RBFOX1: variants seen among roughly 807,000 people sequenced by gnomAD.
RBFOX1 encodes RNA binding fox-1 homolog 1.
In RBFOX1, 8 loss-of-function variants were observed where a neutral mutation model predicts 57.7. The ratio of observed to expected loss-of-function variants is 0.14; its 90% CI spans 0.08 to 0.25. RBFOX1 has a LOEUF of 0.25. Among genes scored for constraint, RBFOX1 ranks in the 10% least tolerant of loss-of-function variants. The probability of loss-of-function intolerance (pLI) is 1.00; values close to 1 mark genes in which losing one functional copy is unlikely to be tolerated. For synonymous variants in RBFOX1, 326 were observed against 222.4 expected, an observed-to-expected ratio of 1.47 and a Z score of -4.15; for missense variants, 611 against 548.5, an observed-to-expected ratio of 1.11 and a Z score of -1.14.
intron 3 of RBFOX1, among the ~76,000 whole-genome samples, chr16:5,708,041 A>T (rs2151497544): frequency 6.6e-6 from 1 of 152,264 alleles, no homozygotes; most frequent in African/African-American, 2.4e-5. Context: ...TTGTTGAAAG[A>T]GAGAATAAAA....
chr16:7,140,807 A>T (rs2073554893), intron 4 of RBFOX1, among the ~76,000 whole-genome samples: 1 of 151,990 alleles, frequency 6.6e-6, no homozygotes, highest in Non-Finnish European at 1.5e-5. Context: ...TGGTATGCTC[A>T]TAATGGATTT....
At chr16:5,936,185 G>C (rs570441019) in intron 4 of RBFOX1, among the ~76,000 whole-genome samples, 1 of 152,228 alleles carries the variant, frequency 6.6e-6, no homozygotes, top group Admixed American at 6.5e-5. Context: ...GTGCCGTGGC[G>C]TGATCTTGGC....
intron 3 of RBFOX1, among the ~76,000 whole-genome samples, chr16:5,677,490 C>G (rs1336004571): frequency 6.6e-6 from 1 of 152,198 alleles, no homozygotes; most frequent in Non-Finnish European, 1.5e-5. Flanking sequence ...GAAGGATAGA[C>G]TGCCTACGAC....
intron 2 of RBFOX1, among the ~76,000 whole-genome samples, chr16:5,535,009 A>G (rs549797081): frequency 6.6e-6 from 1 of 152,372 alleles, no homozygotes; most frequent in South Asian, 2.1e-4. Flanking sequence ...CTGGGAAATC[A>G]CAATGAATAA....
At chr16:5,940,863 A>G (rs2059264632) in intron 4 of RBFOX1, among the ~76,000 whole-genome samples, 1 of 152,168 alleles carries the variant, frequency 6.6e-6, no homozygotes, top group Non-Finnish European at 1.5e-5. Flanking sequence ...TGGGGGTTCC[A>G]ACCCTGCGTT....
At chr16:6,645,628 A>G (rs1428405757) in intron 2 of RBFOX1, among the ~76,000 whole-genome samples, 1 of 152,188 alleles carries the variant, frequency 6.6e-6, no homozygotes, top group Non-Finnish European at 1.5e-5. Flanking sequence ...TTGATGTCTA[A>G]AATCTCAAAG....
intron 2 of RBFOX1, among the ~76,000 whole-genome samples, chr16:5,525,715 C>G (rs1262165521): frequency 6.6e-6 from 1 of 151,922 alleles, no homozygotes; most frequent in African/African-American, 2.4e-5. Context: ...CCAGGCTGAT[C>G]TTGAACTCCT....
chr16:5,857,430 T>A (rs1283594840), intron 3 of RBFOX1, among the ~76,000 whole-genome samples: 1 of 152,106 alleles, frequency 6.6e-6, no homozygotes, highest in Non-Finnish European at 1.5e-5. Context: ...ATGGCACTGA[T>A]AGACTTGCTT....
intron 1 of RBFOX1, among the ~76,000 whole-genome samples, chr16:6,235,549 CGTGT>C (rs1198950651): frequency 4.9e-4 from 50 of 103,048 alleles, no homozygotes; most frequent in African/African-American, 1.8e-3. Flanking sequence ...TGTGTGTGTG[CGTGT>C]ATGTATGTGT....
chr16:5,431,493 G>C (rs1479714924), intron 1 of RBFOX1, among the ~76,000 whole-genome samples: 3 of 151,968 alleles, frequency 2.0e-5, no homozygotes, highest in African/African-American at 7.3e-5. Context: ...TTCTGCCTCA[G>C]ACTCCTGAGT....
intron 1 of RBFOX1, among the ~76,000 whole-genome samples, chr16:5,297,733 C>G (rs917003832): frequency 3.3e-5 from 5 of 152,280 alleles, no homozygotes; most frequent in East Asian, 1.9e-4. Flanking sequence ...GCCAGTGTTT[C>G]TCAATTTAGG....
chr16:6,354,311 T>C (rs976989095), intron 2 of RBFOX1, among the ~76,000 whole-genome samples: 17 of 152,188 alleles, frequency 1.1e-4, no homozygotes, highest in African/African-American at 4.1e-4. Context: ...TTTTGGCTTC[T>C]GTTGCTCTCT....
chr16:7,420,928 CATATATATAT>C (rs745471660), intron 4 of RBFOX1, among the ~76,000 whole-genome samples: 2,756 of 146,238 alleles, frequency 0.019, 73 homozygotes, highest in African/African-American at 0.067. Context: ...TATATATACA[CATATATATAT>C]ACACACACAC....
intron 1 of RBFOX1, among the ~76,000 whole-genome samples, chr16:5,401,230 A>G (rs975327162): frequency 2.0e-5 from 3 of 152,156 alleles, no homozygotes; most frequent in African/African-American, 7.2e-5. Context: ...TCCTAAATAT[A>G]TTTGGAATTC....
At chr16:7,656,878 GAGA>G (rs1446356907) in intron 12 of RBFOX1, among the ~76,000 whole-genome samples, 3 of 152,144 alleles carry the variant, frequency 2.0e-5, no homozygotes, top group Non-Finnish European at 4.4e-5. Context: ...CATCCCAGAA[GAGA>G]AGAAATATGG....
At chr16:7,313,707 C>T (rs5009027) in intron 4 of RBFOX1, among the ~76,000 whole-genome samples, 115,492 of 151,948 alleles carry the variant, frequency 0.76, 44,006 homozygotes, top group East Asian at 0.94. Context: ...CATTTAATCC[C>T]CCACAAAAAA....
At chr16:7,427,121 G>A (rs564995278) in intron 4 of RBFOX1, among the ~76,000 whole-genome samples, 12 of 152,126 alleles carry the variant, frequency 7.9e-5, no homozygotes, top group Non-Finnish European at 1.8e-4. Context: ...GTCATGCAGT[G>A]GGGGGAGCGG....
chr16:5,330,115 C>G (rs899773377), intron 1 of RBFOX1, among the ~76,000 whole-genome samples: 6 of 152,110 alleles, frequency 3.9e-5, no homozygotes, highest in African/African-American at 7.3e-5. Flanking sequence ...TTCATGAGAT[C>G]TAATTATTTC....
chr16:6,750,873 G>A (rs2074802985), intron 3 of RBFOX1, among the ~76,000 whole-genome samples: 1 of 152,190 alleles, frequency 6.6e-6, no homozygotes, highest in Non-Finnish European at 1.5e-5. Flanking sequence ...GAAATAGTGA[G>A]TGATGGTAGA....
Sources: gnomAD v4.1 joint callset for allele counts (sites outside exome capture counted in the v4.1 genomes callset) on GRCh38, gnomAD v4.1.1 for gene constraint, MANE v1.5 for transcripts, NCBI Gene and HGNC (gene_info 2026-07-23, HGNC 2026-07-21) for gene names.